OPCML: variants seen among roughly 807,000 people sequenced by gnomAD.
OPCML encodes opioid binding protein/cell adhesion molecule like, also known as opioid-binding protein/cell adhesion molecule.
In OPCML, 13 loss-of-function variants were observed where a neutral mutation model predicts 37.8. The ratio of observed to expected loss-of-function variants is 0.34; its 90% confidence interval spans 0.22 to 0.55. OPCML has a LOEUF of 0.55. OPCML is among the 20% of genes least tolerant of loss of function. OPCML has a pLI of 0.91. For missense variants in OPCML, 341 were observed against 435.6 expected, an observed-to-expected ratio of 0.78 and a Z score of 1.93; for synonymous variants, 176 against 168.8, an observed-to-expected ratio of 1.04 and a Z score of -0.33.
intron 1 of OPCML, among the ~76,000 whole-genome samples, chr11:133,237,595 G>A (rs781750988): frequency 6.6e-6 from 1 of 152,224 alleles, no homozygotes; most frequent in Non-Finnish European, 1.5e-5. Flanking sequence ...GCAGCCAAGA[G>A]TTATGGAGGG....
intron 1 of OPCML, among the ~76,000 whole-genome samples, chr11:133,094,685 G>C (rs1384214547): frequency 6.6e-6 from 1 of 152,134 alleles, no homozygotes; most frequent in Non-Finnish European, 1.5e-5. Context: ...CAAATAGCAA[G>C]AGAGAGAAAA....
At chr11:132,561,289 A>G (rs948129997) in intron 3 of OPCML, among the ~76,000 whole-genome samples, 1 of 152,300 alleles carries the variant, frequency 6.6e-6, no homozygotes, top group South Asian at 2.1e-4. Context: ...TCCATCTTCC[A>G]CATTGATGAG....
chr11:133,137,036 A>T (rs1224264277), intron 1 of OPCML, among the ~76,000 whole-genome samples: 1 of 143,360 alleles, frequency 7.0e-6, no homozygotes, highest in African/African-American at 2.6e-5. Context: ...TGCAGGAAGA[A>T]AAAGGCCAAA....
intron 1 of OPCML, chr11:133,026,095 A>AT (rs1947549787): frequency 1.0e-6 from 1 of 985,002 alleles, no homozygotes; most frequent in Non-Finnish European, 1.2e-6. Flanking sequence ...AAGTTTGGGC[A>AT]TATGTGTTCA....
intron 1 of OPCML, among the ~76,000 whole-genome samples, chr11:133,057,311 A>G (rs1017511452): frequency 6.6e-6 from 1 of 152,180 alleles, no homozygotes; most frequent in Non-Finnish European, 1.5e-5. Flanking sequence ...ATAGATTGGC[A>G]TGGGGTTTGA....
intron 2 of OPCML, among the ~76,000 whole-genome samples, chr11:132,658,998 A>C (rs1941833958): frequency 6.6e-6 from 1 of 152,180 alleles, no homozygotes; most frequent in African/African-American, 2.4e-5. Flanking sequence ...TACAGACCTC[A>C]ATCTGCATAC....
At chr11:132,976,527 C>T (rs140595060) in intron 1 of OPCML, among the ~76,000 whole-genome samples, 39 of 152,176 alleles carry the variant, frequency 2.6e-4, no homozygotes, top group Non-Finnish European at 4.4e-4. Context: ...CATGTATAGC[C>T]GCAACCAGTT....
intron 1 of OPCML, among the ~76,000 whole-genome samples, chr11:133,068,742 G>A (rs927846436): frequency 4.6e-5 from 7 of 152,178 alleles, no homozygotes; most frequent in South Asian, 4.1e-4. Flanking sequence ...ATATGTGTAT[G>A]CATAAGTTAG....
intron 3 of OPCML, among the ~76,000 whole-genome samples, chr11:132,628,138 G>T (rs1939858848): frequency 6.6e-6 from 1 of 152,076 alleles, no homozygotes; most frequent in Admixed American, 6.6e-5. Flanking sequence ...CAGAAGACAG[G>T]AGCCAGGAAG....
At chr11:133,523,224 T>C (rs2120715010) in intron 1 of OPCML, among the ~76,000 whole-genome samples, 1 of 152,154 alleles carries the variant, frequency 6.6e-6, no homozygotes, top group East Asian at 1.9e-4. Context: ...CGCCAAGAAG[T>C]ATGGGATTTC....
At chr11:132,503,738 T>A (rs2096250601) in intron 4 of OPCML, among the ~76,000 whole-genome samples, 1 of 152,170 alleles carries the variant, frequency 6.6e-6, no homozygotes, top group Non-Finnish European at 1.5e-5. Context: ...GTTATAATTA[T>A]TAATATTGAA....
chr11:133,158,472 C>T lies in OPCML; in HGVS notation c.62-215462G>A, dbSNP rs532388990. Among the ~76,000 whole-genome samples, 230 of 152,026 alleles carry T rather than the reference C, an allele frequency of 1.5e-3. 2 individuals carry two copies. Among genetic ancestry groups the T allele is most frequent in the Middle Eastern group, 0.01 (3 of 294 alleles). ...ATACCAGCACTTTGGGAGGCTGAGG[C>T]GGGAGGATCACGAGGTCAAGAGATA... On this transcript the variant is annotated intron_variant, in intron 1 of 7. Coordinates refer to ENST00000524381, the MANE Select transcript of OPCML (RefSeq NM_001012393.5).
chr11:133,407,267 C>T (rs189925354), intron 1 of OPCML, among the ~76,000 whole-genome samples: 105 of 152,066 alleles, frequency 6.9e-4, no homozygotes, highest in African/African-American at 2.2e-3. Flanking sequence ...GAATTAATGC[C>T]CAATATTAAT....
intron 1 of OPCML, among the ~76,000 whole-genome samples, chr11:133,085,286 G>A (rs904475506): frequency 6.6e-6 from 1 of 152,138 alleles, no homozygotes; most frequent in Non-Finnish European, 1.5e-5. Flanking sequence ...GTGTTCAAAC[G>A]CTTCTCTTTC....
rs1024534839 is a variant in OPCML, at chr11:132,943,288, C to T, written c.62-278G>A. 5.1e-6 allele frequency: 4 copies of T among 787,174 alleles called. No individual in the cohort carries two copies. The highest frequency in any genetic ancestry group is 7.9e-6 in the Non-Finnish European group (4 of 506,908). 48.8% of individuals were successfully genotyped at this position (787,174 alleles called of 1,614,324 possible). A position where few individuals can be genotyped will look rare whatever the true frequency, so the allele number is the denominator to read the frequency against. ...TTCCTCAGATCCTGCCTCAGCTTTC[C>T]AGCCTAGCAGAACCAGATGCCCCCT... On this transcript the variant is annotated intron_variant, in intron 1 of 7. Transcript: ENST00000524381. The surrounding 1 kb of genome is among the most constrained non-coding windows in gnomAD (Gnocchi z 4.3).
At chr11:132,570,346 T>A (rs1455929697) in intron 3 of OPCML, among the ~76,000 whole-genome samples, 1 of 152,098 alleles carries the variant, frequency 6.6e-6, no homozygotes, top group Non-Finnish European at 1.5e-5. Flanking sequence ...CTGCTCTAGA[T>A]CACAATGACA....
intron 2 of OPCML, among the ~76,000 whole-genome samples, chr11:132,832,380 G>C (rs538513908): frequency 1.3e-5 from 2 of 152,170 alleles, no homozygotes; most frequent in East Asian, 3.9e-4. Context: ...CCTAGACTAT[G>C]TTAAACTTTA....
At chr11:133,228,842 G>T (rs1203224337) in intron 1 of OPCML, among the ~76,000 whole-genome samples, 1 of 152,242 alleles carries the variant, frequency 6.6e-6, no homozygotes, top group Non-Finnish European at 1.5e-5. Context: ...GGGCCAAGAG[G>T]AGCAGGTCCA....
intron 2 of OPCML, among the ~76,000 whole-genome samples, chr11:132,902,916 T>C (rs774938332): frequency 1.3e-5 from 2 of 152,054 alleles, no homozygotes; most frequent in African/African-American, 2.4e-5. Flanking sequence ...TTTATCTGCA[T>C]AATAAGACAA....
Sources: allele counts gnomAD v4.1 joint callset (sites outside exome capture counted in the v4.1 genomes callset), GRCh38; gene constraint gnomAD v4.1.1; non-coding constraint Gnocchi (gnomAD v3.1); transcripts MANE v1.5; gene names NCBI Gene and HGNC (gene_info 2026-07-23, HGNC 2026-07-21).